ADCY1: variants seen among roughly 807,000 people sequenced by gnomAD.
The protein encoded by ADCY1 is adenylate cyclase type 1.
In ADCY1, 28 loss-of-function variants were observed where a neutral mutation model predicts 105.4. The ratio of observed to expected loss-of-function variants is 0.27; its 90% confidence interval spans 0.20 to 0.36. The LOEUF (loss-of-function observed/expected upper bound fraction) is 0.36. ADCY1 is among the 10% of genes least tolerant of loss of function. The pLI, the probability that ADCY1 is intolerant of heterozygous loss-of-function variation, is 1.00. For missense variants in ADCY1, 977 were observed against 1,434.2 expected (o/e 0.68, Z 5.15); for synonymous variants, 655 against 623.8 (o/e 1.05, Z -0.75).
At chr7:45,666,391 T>A (rs1054036981) in intron 8 of ADCY1, among the ~76,000 whole-genome samples, 1 of 152,180 alleles carries the variant, frequency 6.6e-6, no homozygotes, top group Non-Finnish European at 1.5e-5. Context: ...CGGTGTTTGG[T>A]TTTTTGTCCT....
intron 2 of ADCY1, among the ~76,000 whole-genome samples, chr7:45,605,501 A>G (rs539591137): frequency 6.6e-5 from 10 of 151,676 alleles, no homozygotes; most frequent in African/African-American, 2.4e-4. Context: ...ATTTTTCTGG[A>G]AGTTTTCATC....
rs529272998 is a variant in ADCY1, at chr7:45,620,437, G to T, written c.909-2195G>T. 4.1e-4 allele frequency among the ~76,000 whole-genome samples: 63 copies of T among 152,098 alleles called. 2 individuals carry two copies. The South Asian group carries it at 0.013, about 31-fold the overall frequency. On this transcript the variant is annotated intron_variant, in intron 3 of 19. Coordinates refer to ENST00000297323, the MANE Select transcript of ADCY1 (RefSeq NM_021116.4). ...ATGAAGAGAGTGTCAGGGACTTAAG[G>T]GACACCATCAAACTTATCAGTACAC...
intron 4 of ADCY1, among the ~76,000 whole-genome samples, chr7:45,624,570 G>T (rs1254004451): frequency 6.6e-6 from 1 of 152,142 alleles, no homozygotes; most frequent in East Asian, 1.9e-4. Flanking sequence ...GAATTTTTGT[G>T]GGCAGTCACA....
chr7:45,595,597 C>A (rs953579541), intron 2 of ADCY1, among the ~76,000 whole-genome samples: 4 of 152,250 alleles, frequency 2.6e-5, no homozygotes, highest in African/African-American at 9.6e-5. Flanking sequence ...GTGAACTTCT[C>A]ACTGTATAAC....
Position 45,686,568 on chromosome 7 carries a change from C to A in ADCY1, c.2349C>A (p.Arg783=). Residue 783 remains arginine (R), a synonymous_variant, in exon 14 of 20, where the codon CGC becomes CGA. Transcript: ENST00000297323. The surrounding 1 kb of genome is among the most constrained non-coding windows in gnomAD (Gnocchi z 4.3). ...TRTGGGAVSG[R]SYEPIVAILL... is the part of the protein sequence containing the mutation. ...CCAGGGGTGGTGCCGTCTCCGGGCG[C>A]AGCTACGAGCCGATTGTGGCCATCC... The A allele has an allele frequency of 6.2e-7, 1 of 1,612,328 alleles. No homozygotes were observed. The highest frequency in any genetic ancestry group is 1.7e-4 in the Middle Eastern group (1 of 6,056).
intron 19 of ADCY1, among the ~76,000 whole-genome samples, chr7:45,711,288 C>T (rs909897898): frequency 6.6e-6 from 1 of 151,996 alleles, no homozygotes; most frequent in East Asian, 1.9e-4. Flanking sequence ...CAGCCACCCT[C>T]GCTGGGAACT....
intron 8 of ADCY1, among the ~76,000 whole-genome samples, chr7:45,669,892 C>G (rs974853876): frequency 3.3e-5 from 5 of 152,052 alleles, no homozygotes; most frequent in African/African-American, 1.2e-4. Context: ...TCCTTTTCAT[C>G]CTATGTTAAA....
chr7:45,615,117 A>G (rs1207452859), intron 3 of ADCY1, among the ~76,000 whole-genome samples: 1 of 152,242 alleles, frequency 6.6e-6, no homozygotes, highest in Non-Finnish European at 1.5e-5. Context: ...AGGAAAGGTC[A>G]TATGTTAAGT....
chr7:45,585,478 T>C (rs1792694100), intron 1 of ADCY1, among the ~76,000 whole-genome samples: 3 of 148,950 alleles, frequency 2.0e-5, no homozygotes, highest in Non-Finnish European at 3.0e-5. Context: ...AGTTTCGCTC[T>C]TGTTACTCAG....
At chr7:45,614,888 G>A (rs1314071968) in intron 3 of ADCY1, among the ~76,000 whole-genome samples, 1 of 152,154 alleles carries the variant, frequency 6.6e-6, no homozygotes, top group African/African-American at 2.4e-5. Flanking sequence ...AACAAGCATT[G>A]ACAGAACTGT....
intron 4 of ADCY1, among the ~76,000 whole-genome samples, chr7:45,645,680 G>A (rs1794643233): frequency 6.6e-6 from 1 of 152,114 alleles, no homozygotes; most frequent in Non-Finnish European, 1.5e-5. Context: ...CAGAGCTGAG[G>A]TGGGGGCAGG....
At chr7:45,623,411 G>A (rs1793959928) in intron 4 of ADCY1, among the ~76,000 whole-genome samples, 1 of 152,196 alleles carries the variant, frequency 6.6e-6, no homozygotes, top group African/African-American at 2.4e-5. Context: ...TTGCCCTCCT[G>A]GGACTTAGTC....
At chr7:45,692,767 A>G (rs1467363822) in intron 14 of ADCY1, among the ~76,000 whole-genome samples, 2 of 152,210 alleles carry the variant, frequency 1.3e-5, no homozygotes, top group Non-Finnish European at 1.5e-5. Context: ...GTAGTTATGC[A>G]ATGTATACAT....
chr7:45,639,194 C>G (rs1315826891), intron 4 of ADCY1, among the ~76,000 whole-genome samples: 2 of 152,206 alleles, frequency 1.3e-5, no homozygotes, highest in East Asian at 3.8e-4. Flanking sequence ...GGTTTATTTA[C>G]CTCCTTAGCC....
intron 5 of ADCY1, among the ~76,000 whole-genome samples, chr7:45,654,601 C>CTCCATG (rs1584306668): frequency 6.6e-6 from 1 of 152,312 alleles, no homozygotes; most frequent in Non-Finnish European, 1.5e-5. Flanking sequence ...AACAAGGGGG[C>CTCCATG]TAGTGTGTGC....
At chr7:45,683,732 G>A (rs547815728) in intron 11 of ADCY1, among the ~76,000 whole-genome samples, 4 of 152,214 alleles carry the variant, frequency 2.6e-5, no homozygotes, top group African/African-American at 9.6e-5. Flanking sequence ...CCCAGTTCAT[G>A]ATGGGCAGCT....
intron 4 of ADCY1, among the ~76,000 whole-genome samples, chr7:45,626,325 C>T (rs979107731): frequency 6.6e-6 from 1 of 152,194 alleles, no homozygotes; most frequent in Non-Finnish European, 1.5e-5. Context: ...CATCCATACG[C>T]CCTGTGTTTG....
chr7:45,645,972 G>A (rs935294930), intron 4 of ADCY1, among the ~76,000 whole-genome samples: 1 of 151,376 alleles, frequency 6.6e-6, no homozygotes, highest in African/African-American at 2.4e-5. Context: ...GTGCTCACGG[G>A]GTTTCTAATC....
At chr7:45,673,213 A>G (rs1784395863) in intron 8 of ADCY1, among the ~76,000 whole-genome samples, 1 of 152,060 alleles carries the variant, frequency 6.6e-6, no homozygotes, top group African/African-American at 2.4e-5. Flanking sequence ...TTATATCTAC[A>G]TCCATGAGGG....
Sources: gnomAD v4.1 joint callset for allele counts (sites outside exome capture counted in the v4.1 genomes callset) on GRCh38, gnomAD v4.1.1 for gene constraint, Gnocchi (gnomAD v3.1) non-coding constraint, MANE v1.5 for transcripts, NCBI Gene and HGNC (gene_info 2026-07-23, HGNC 2026-07-21) for gene names.